LDLRAD3: variants seen among roughly 807,000 people sequenced by gnomAD.
LDLRAD3 encodes low-density lipoprotein receptor class A domain-containing protein 3.
Under a neutral mutation model 29.4 loss-of-function variants are expected in LDLRAD3, and 20 were observed. The observed-to-expected ratio is 0.68, with a 90% CI of 0.48 to 0.99. The LOEUF (loss-of-function observed/expected upper bound fraction) is 0.99, where lower values mean the gene tolerates loss of function less well. Among genes scored for constraint, LDLRAD3 ranks in the 50% least tolerant of loss-of-function variants. LDLRAD3 has a pLI of 0.00. For synonymous variants in LDLRAD3, 157 were observed against 192.7 expected (o/e 0.81, Z 1.53); for missense variants, 420 against 454.3 (o/e 0.92, Z 0.69).
chr11:36,211,046 A>G (rs1171043603), intron 4 of LDLRAD3, among the ~76,000 whole-genome samples: 2 of 152,212 alleles, frequency 1.3e-5, no homozygotes, highest in African/African-American at 4.8e-5. Context: ...GTGCATCTCT[A>G]AGCTCATGGT....
intron 2 of LDLRAD3, among the ~76,000 whole-genome samples, chr11:36,073,300 TG>T (rs1852937916): frequency 6.6e-6 from 1 of 152,226 alleles, no homozygotes; most frequent in African/African-American, 2.4e-5. Flanking sequence ...TAATGAAAGC[TG>T]CCGCTTTGAA....
chr11:35,949,808 A>G (rs1232496602), intron 1 of LDLRAD3, among the ~76,000 whole-genome samples: 2 of 152,228 alleles, frequency 1.3e-5, no homozygotes, highest in African/African-American at 4.8e-5. Flanking sequence ...ATGAATTCAC[A>G]GGATGCAAGG....
At chr11:35,991,250 C>T (rs1478022546) in intron 1 of LDLRAD3, among the ~76,000 whole-genome samples, 1 of 152,176 alleles carries the variant, frequency 6.6e-6, no homozygotes. Flanking sequence ...GTTGTGGGTT[C>T]CTTCGGGCAC....
intron 4 of LDLRAD3, chr11:36,197,781 C>T (rs1855056370): frequency 6.6e-6 from 1 of 152,084 alleles, no homozygotes. Context: ...GGTATAGTGG[C>T]TCATGCTTGT....
At chr11:36,169,188 T>C (rs1044092597) in intron 4 of LDLRAD3, among the ~76,000 whole-genome samples, 2 of 152,216 alleles carry the variant, frequency 1.3e-5, no homozygotes, top group African/African-American at 4.8e-5. Flanking sequence ...TTGTAGTGTT[T>C]ATGGGGTACA....
At chr11:36,135,348 G>C (rs1466410286) in intron 4 of LDLRAD3, among the ~76,000 whole-genome samples, 2 of 152,164 alleles carry the variant, frequency 1.3e-5, no homozygotes, top group Non-Finnish European at 2.9e-5. Context: ...CCATGGCTGG[G>C]GTTTGGGAAG....
intron 4 of LDLRAD3, among the ~76,000 whole-genome samples, chr11:36,147,340 A>G (rs955031395): frequency 6.6e-6 from 1 of 151,454 alleles, no homozygotes; most frequent in Admixed American, 6.6e-5. Flanking sequence ...GGATGGTCTC[A>G]ATCTCCTGAC....
intron 4 of LDLRAD3, among the ~76,000 whole-genome samples, chr11:36,198,876 A>G (rs1161259858): frequency 1.3e-5 from 2 of 152,146 alleles, no homozygotes; most frequent in African/African-American, 4.8e-5. Flanking sequence ...GGAAAAATGT[A>G]TCCACAGGCA....
At chr11:36,097,495 A>C (rs1853378030) in intron 3 of LDLRAD3, among the ~76,000 whole-genome samples, 1 of 152,220 alleles carries the variant, frequency 6.6e-6, no homozygotes, top group Non-Finnish European at 1.5e-5. Context: ...GGTTTTGCCC[A>C]GACCCCTCAG....
rs1013699002 is a variant in LDLRAD3, at chr11:36,144,235, A to G, written c.454+45774A>G. On this transcript the variant is annotated intron_variant, in intron 4 of 5. Coordinates refer to ENST00000315571, the MANE Select transcript of LDLRAD3 (RefSeq NM_174902.4). ...CAGAGTTGCGTTCACTCAGTGCTCA[A>G]TGGTGCCCAGGCTGGAGTGCAGTGG... Among the ~76,000 whole-genome samples, 394 of 151,762 alleles carry G rather than the reference A, an allele frequency of 2.6e-3. 2 individuals carry two copies. Among genetic ancestry groups the G allele is most frequent in the African/African-American group, 8.8e-3 (365 of 41,430 alleles).
At chr11:36,025,641 G>A (rs997953927) in intron 1 of LDLRAD3, among the ~76,000 whole-genome samples, 23 of 151,716 alleles carry the variant, frequency 1.5e-4, no homozygotes, top group African/African-American at 4.4e-4. Context: ...TGCCCGCCTC[G>A]GCCTCCCAAA....
rs568320230 is a variant in LDLRAD3 at position 36,118,512 on chromosome 11, T to TGTGA, written c.454+20052_454+20053insTGAG. Among the ~76,000 whole-genome samples the TGTGA allele has an allele frequency of 5.0e-3, 740 of 148,580 alleles. 21 individuals carry two copies. The East Asian group carries it at 0.071, about 14-fold the overall frequency. ...GTAAGAGTGAGTGTGTGTGTGTGTG[T>TGTGA]GAGAGAGAGAGAGAGAAGGAGGGAG... On this transcript the variant is annotated intron_variant, in intron 4 of 5. Coordinates refer to ENST00000315571, the MANE Select transcript of LDLRAD3 (RefSeq NM_174902.4).
chr11:36,073,045 G>A (rs949133085), intron 2 of LDLRAD3, among the ~76,000 whole-genome samples: 9 of 152,174 alleles, frequency 5.9e-5, no homozygotes, highest in Admixed American at 2.0e-4. Flanking sequence ...GGATGCTAAG[G>A]CAGCTGTTTA....
At chr11:36,155,298 C>A (rs977354971) in intron 4 of LDLRAD3, among the ~76,000 whole-genome samples, 1 of 152,166 alleles carries the variant, frequency 6.6e-6, no homozygotes, top group African/African-American at 2.4e-5. Flanking sequence ...GCTCTGTGGC[C>A]TTTCAGTGAC....
At chr11:36,199,829 C>G (rs10836518) in intron 4 of LDLRAD3, among the ~76,000 whole-genome samples, 1 of 152,012 alleles carries the variant, frequency 6.6e-6, no homozygotes, top group African/African-American at 2.4e-5. Context: ...TCTAATAAAA[C>G]TGTGGAATGA....
intron 3 of LDLRAD3, among the ~76,000 whole-genome samples, chr11:36,097,737 A>G (rs982844399): frequency 1.3e-5 from 2 of 152,198 alleles, no homozygotes; most frequent in Non-Finnish European, 2.9e-5. Flanking sequence ...CACTTGAGTA[A>G]TGGACACCTG....
At chr11:36,216,193 C>G (rs1191177272) in intron 4 of LDLRAD3, among the ~76,000 whole-genome samples, 1 of 152,224 alleles carries the variant, frequency 6.6e-6, no homozygotes, top group Non-Finnish European at 1.5e-5. Context: ...GCTTCATCTT[C>G]TTCCATCGGC....
At chr11:35,960,863 G>A (rs1225162604) in intron 1 of LDLRAD3, among the ~76,000 whole-genome samples, 2 of 152,198 alleles carry the variant, frequency 1.3e-5, no homozygotes, top group Non-Finnish European at 2.9e-5. Context: ...CAAAGTGCTG[G>A]GATTACAGGC....
chr11:35,985,225 C>G (rs1038449362), intron 1 of LDLRAD3, among the ~76,000 whole-genome samples: 3 of 152,202 alleles, frequency 2.0e-5, no homozygotes, highest in Admixed American at 6.5e-5. Context: ...GCCAACATGT[C>G]AGATCCATTA....
Sources: allele counts gnomAD v4.1 joint callset (sites outside exome capture counted in the v4.1 genomes callset), GRCh38; gene constraint gnomAD v4.1.1; transcripts MANE v1.5; gene names NCBI Gene and HGNC (gene_info 2026-07-23, HGNC 2026-07-21).